ACBD6: variants seen among roughly 807,000 people sequenced by gnomAD.
ACBD6 encodes acyl-CoA-binding domain-containing protein 6.
ACBD6 carries 28 observed loss-of-function variants against 37.2 expected under a neutral mutation model. The observed-to-expected ratio is 0.75, with a 90% confidence interval of 0.56 to 1.03. The LOEUF is 1.03. ACBD6 is among the 50% of genes least tolerant of loss of function. The pLI, the probability that ACBD6 is intolerant of heterozygous loss-of-function variation, is 0.00. For synonymous variants in ACBD6, 113 were observed against 126.8 expected (o/e 0.89, Z 0.73); for missense variants, 340 against 337.4 (o/e 1.01, Z -0.06).
At chr1:180,423,453 T>C (rs1648456009) in intron 4 of ACBD6, among the ~76,000 whole-genome samples, 2 of 152,214 alleles carry the variant, frequency 1.3e-5, no homozygotes, top group Non-Finnish European at 2.9e-5. Flanking sequence ...TATTAATATA[T>C]GCAAGGTACT....
chr1:180,320,765 T>G (rs977989081), intron 6 of ACBD6, among the ~76,000 whole-genome samples: 7 of 152,212 alleles, frequency 4.6e-5, no homozygotes, highest in African/African-American at 1.7e-4. Context: ...CTTTGTTGAT[T>G]GTTTCCTTTG....
chr1:180,360,691 G>A (rs1298764213), intron 6 of ACBD6, among the ~76,000 whole-genome samples: 2 of 151,732 alleles, frequency 1.3e-5, no homozygotes, highest in African/African-American at 4.8e-5. Context: ...AATTAAATGT[G>A]ACAAAAAAAT....
chr1:180,431,502 T>C (rs969072521), intron 3 of ACBD6, among the ~76,000 whole-genome samples: 36 of 152,264 alleles, frequency 2.4e-4, no homozygotes, highest in African/African-American at 8.2e-4. Context: ...ATTTCTGGGA[T>C]AGATAATGTA....
chr1:180,487,511 T>C (rs991612352), intron 3 of ACBD6, among the ~76,000 whole-genome samples: 4 of 152,132 alleles, frequency 2.6e-5, no homozygotes, highest in African/African-American at 9.7e-5. Flanking sequence ...AGTCACTTAG[T>C]TCCCTTCAAG....
intron 6 of ACBD6, among the ~76,000 whole-genome samples, chr1:180,332,345 C>T (rs1651517797): frequency 6.6e-6 from 1 of 152,148 alleles, no homozygotes; most frequent in Non-Finnish European, 1.5e-5. Flanking sequence ...CAGGGGTCCC[C>T]AATCCCTGTT....
chr1:180,473,933 A>C (rs1650674232), intron 3 of ACBD6, among the ~76,000 whole-genome samples: 1 of 152,200 alleles, frequency 6.6e-6, no homozygotes, highest in Admixed American at 6.5e-5. Context: ...ACTAAAAAGT[A>C]ACGTCCATAT....
chr1:180,477,070 C>T (rs4651065), intron 3 of ACBD6, among the ~76,000 whole-genome samples: 24,012 of 152,050 alleles, frequency 0.16, 1,956 homozygotes, highest in Middle Eastern at 0.22. Context: ...GTAGACACTA[C>T]AGAGCCCTAT....
At chr1:180,468,607 ATT>A (rs372967195) in intron 3 of ACBD6, among the ~76,000 whole-genome samples, 234 of 152,192 alleles carry the variant, frequency 1.5e-3, no homozygotes, top group African/African-American at 5.3e-3. Flanking sequence ...GTTTATTGGC[ATT>A]TGTTATTTCT....
At position 180,397,535 on chromosome 1, in the gene ACBD6, CTA is replaced by C. The variant is rs1213657142; in HGVS notation, c.642_643del (p.His214GlnfsTer3). On this transcript the variant is annotated frameshift_variant, in exon 6 of 8. Transcript: ENST00000367595. LOFTEE classifies it high-confidence loss of function. The stretch of plus-strand genomic sequence containing the variant: ...TCTTACCTGACAGTTAATGTCAGCT[CTA>C]TGTTGCAGCAACACTGTGACTAGTT... The C allele has an allele frequency of 3.1e-6, 5 of 1,613,940 alleles. No individual in the cohort carries two copies. The highest frequency in any genetic ancestry group is 4.2e-6 in the Non-Finnish European group (5 of 1,179,846).
intron 6 of ACBD6, among the ~76,000 whole-genome samples, chr1:180,384,226 T>C (rs1426445550): frequency 1.3e-5 from 2 of 151,772 alleles, no homozygotes; most frequent in Non-Finnish European, 2.9e-5. Context: ...AGTCAACCTA[T>C]AGAATGTGAA....
chr1:180,335,906 A>G (rs1651694774), intron 6 of ACBD6, among the ~76,000 whole-genome samples: 2 of 147,576 alleles, frequency 1.4e-5, no homozygotes, highest in Non-Finnish European at 3.0e-5. Flanking sequence ...AGATCAAAAG[A>G]GACAAAGAAG....
At chr1:180,391,746 T>C (rs1486073046) in intron 6 of ACBD6, among the ~76,000 whole-genome samples, 1 of 152,074 alleles carries the variant, frequency 6.6e-6, no homozygotes, top group African/African-American at 2.4e-5. Context: ...CAACAAGCAG[T>C]TCCTCAAAAG....
At chr1:180,381,127 T>G (rs1653631109) in intron 6 of ACBD6, among the ~76,000 whole-genome samples, 1 of 152,106 alleles carries the variant, frequency 6.6e-6, no homozygotes, top group African/African-American at 2.4e-5. Flanking sequence ...ACAATGAAGG[T>G]CATTATATAA....
intron 3 of ACBD6, chr1:180,435,486 C>T (rs1454594329): frequency 2.8e-5 from 15 of 538,376 alleles, no homozygotes; most frequent in Middle Eastern, 1.1e-3. Flanking sequence ...CTCCTGACCT[C>T]GTGATCCGCC....
At chr1:180,476,375 T>C (rs568154692) in intron 3 of ACBD6, among the ~76,000 whole-genome samples, 2 of 152,288 alleles carry the variant, frequency 1.3e-5, no homozygotes, top group East Asian at 3.9e-4. Flanking sequence ...AATGGAACAC[T>C]AGGCATAAAT....
intron 7 of ACBD6, among the ~76,000 whole-genome samples, chr1:180,292,079 G>A (rs1649729494): frequency 6.6e-6 from 1 of 152,046 alleles, no homozygotes; most frequent in South Asian, 2.1e-4. Flanking sequence ...CTTGATTTCT[G>A]TACTTTATAG....
chr1:180,430,064 T>C, intron 4 of ACBD6, 116 bp downstream of exon 4: 1 of 873,532 alleles, frequency 1.1e-6, no homozygotes, highest in Non-Finnish European at 1.8e-6. Flanking sequence ...AAATTGAAGA[T>C]TTCAGGATTA....
chr1:180,490,682 C>T (rs990900045), intron 3 of ACBD6, among the ~76,000 whole-genome samples: 3 of 150,430 alleles, frequency 2.0e-5, no homozygotes, highest in African/African-American at 4.9e-5. Context: ...GCTACTCAGG[C>T]GGCTGAGGCA....
intron 6 of ACBD6, among the ~76,000 whole-genome samples, chr1:180,394,753 T>C (rs935081791): frequency 6.6e-6 from 1 of 152,148 alleles, no homozygotes; most frequent in Non-Finnish European, 1.5e-5. Context: ...GCTAGTCATC[T>C]GGACAAAAAT....
Sources: allele counts gnomAD v4.1 joint callset (sites outside exome capture counted in the v4.1 genomes callset), GRCh38; gene constraint gnomAD v4.1.1; transcripts MANE v1.5; gene names NCBI Gene and HGNC (gene_info 2026-07-23, HGNC 2026-07-21).